The following MTF2 variants were observed in gnomAD, a reference collection of about 807,000 sequenced individuals.
MTF2 encodes the protein metal-response element-binding transcription factor 2.
A neutral mutation model predicts 79.5 loss-of-function variants in MTF2; 11 were observed. The observed-to-expected ratio is 0.14, with a 90% confidence interval of 0.09 to 0.23. The LOEUF is 0.23. Among genes scored for constraint, MTF2 ranks in the 10% least tolerant of loss-of-function variants. The pLI is 1.00. For synonymous variants in MTF2, 208 were observed against 232.8 expected, an observed-to-expected ratio of 0.89 and a Z score of 0.97; for missense variants, 486 against 711.2, an observed-to-expected ratio of 0.68 and a Z score of 3.60.
At chr1:93,091,990 C>T (rs570343361) in intron 1 of MTF2, among the ~76,000 whole-genome samples, 12 of 152,244 alleles carry the variant, frequency 7.9e-5, no homozygotes, top group African/African-American at 2.9e-4. Context: ...ACTGGGATGT[C>T]GTCTTCTACT....
intron 10 of MTF2, among the ~76,000 whole-genome samples, chr1:93,128,580 AAG>A (rs1656795933): frequency 4.0e-5 from 6 of 150,418 alleles, no homozygotes; most frequent in Non-Finnish European, 5.9e-5. Context: ...AAAAATTAAA[AAG>A]AGAGGGAGAA....
intron 1 of MTF2, among the ~76,000 whole-genome samples, chr1:93,098,803 A>T (rs1334291963): frequency 1.3e-5 from 2 of 152,176 alleles, no homozygotes; most frequent in Non-Finnish European, 2.9e-5. Flanking sequence ...TATTTATGAT[A>T]CTTAATACCT....
At chr1:93,108,045 A>AT (rs1486675696) in intron 1 of MTF2, among the ~76,000 whole-genome samples, 34 of 152,200 alleles carry the variant, frequency 2.2e-4, no homozygotes, top group Non-Finnish European at 4.9e-4. Context: ...AAGTGCTGGG[A>AT]TTACAGGCGT....
rs202171854 is a variant in MTF2, at chr1:93,088,995, C to CT, written c.5+9465dup. 7.8e-3 allele frequency among the ~76,000 whole-genome samples: 1,184 copies of CT among 152,198 alleles called. 21 individuals carry two copies. The highest frequency in any genetic ancestry group is 0.027 in the African/African-American group (1,130 of 41,532). ...AAACATACAAAGATGTTCTATAAAA[C>CT]TGACTTTTTATCGTACATTTTAAGA... On this transcript the variant is annotated intron_variant, in intron 1 of 14. Coordinates refer to ENST00000370298, the MANE Select transcript of MTF2 (RefSeq NM_007358.4).
chr1:93,113,140 G>C (rs1656098279), intron 3 of MTF2, among the ~76,000 whole-genome samples: 1 of 151,846 alleles, frequency 6.6e-6, no homozygotes, highest in African/African-American at 2.4e-5. Context: ...AGTGCTTTGG[G>C]AGGCCCAGGC....
chr1:93,132,557 T>C (rs17131699), intron 11 of MTF2, among the ~76,000 whole-genome samples: 26,007 of 152,090 alleles, frequency 0.17, 2,525 homozygotes, highest in African/African-American at 0.24. Flanking sequence ...TTTATAAATA[T>C]TATGTTGATC....
rs772338180 is a variant in MTF2, at chr1:93,110,478, A to T, written c.204+50A>T. 3.1e-6 allele frequency: 5 copies of T among 1,605,390 alleles called. No homozygotes were observed. The South Asian group carries it at 5.5e-5, about 18-fold the overall frequency. ...GCTGTTTTTGCAGTAAGCATTTAAT[A>T]ATCTTAAATTTAACTTCATGTTTTT... On this transcript the variant is annotated intron_variant, in intron 2 of 14. Transcript: ENST00000370298.
At chr1:93,134,290 G>A in intron 14 of MTF2, 95 bp downstream of exon 14, 1 of 888,592 alleles carries the variant, frequency 1.1e-6, no homozygotes, top group Non-Finnish European at 1.7e-6. Context: ...GCAATTGAAA[G>A]TGATGTAAGT....
chr1:93,136,564 C>A, intron 14 of MTF2, 106 bp from the exon 15 acceptor site: 1 of 913,992 alleles, frequency 1.1e-6, no homozygotes, highest in South Asian at 1.7e-5. Flanking sequence ...TTTATATCAT[C>A]AAGGATATAT....
chr1:93,118,113 C>T (rs1219703517), intron 6 of MTF2, among the ~76,000 whole-genome samples: 1 of 152,044 alleles, frequency 6.6e-6, no homozygotes, highest in Admixed American at 6.5e-5. Flanking sequence ...AGTAGTGTAT[C>T]TTTCAAGAGC....
At chr1:93,129,558 A>ATTTTTTTTT (rs200494793) in intron 11 of MTF2, 110 bp downstream of exon 11, 9 of 448,066 alleles carry the variant, frequency 2.0e-5, no homozygotes, top group Non-Finnish European at 2.4e-5. Context: ...AGTTACTCTG[A>ATTTTTTTTT]TTTTTTTTTT....
chr1:93,108,248 A>T (rs1467074080), intron 1 of MTF2, among the ~76,000 whole-genome samples: 1 of 151,718 alleles, frequency 6.6e-6, no homozygotes, highest in African/African-American at 2.4e-5. Flanking sequence ...GTCTTTTATA[A>T]TTACTTTTGT....
chr1:93,096,071 C>G (rs1655276642), intron 1 of MTF2, among the ~76,000 whole-genome samples: 1 of 152,178 alleles, frequency 6.6e-6, no homozygotes, highest in South Asian at 2.1e-4. Flanking sequence ...CCTCATTGTT[C>G]TTTCAGCTGA....
At chr1:93,098,573 G>T (rs1655395119) in intron 1 of MTF2, among the ~76,000 whole-genome samples, 1 of 152,134 alleles carries the variant, frequency 6.6e-6, no homozygotes, top group Non-Finnish European at 1.5e-5. Flanking sequence ...ATTATAAAAT[G>T]ATTGGGGTAT....
At chr1:93,092,194 T>C (rs1016601038) in intron 1 of MTF2, among the ~76,000 whole-genome samples, 2 of 152,172 alleles carry the variant, frequency 1.3e-5, no homozygotes, top group Non-Finnish European at 2.9e-5. Flanking sequence ...TTTTCTCATA[T>C]CTCTGAGGAT....
intron 14 of MTF2, among the ~76,000 whole-genome samples, chr1:93,134,785 A>G (rs1647314630): frequency 6.6e-6 from 1 of 151,384 alleles, no homozygotes; most frequent in Admixed American, 6.6e-5. Flanking sequence ...TGGCCTTCTC[A>G]AGTGCTGGGA....
At chr1:93,133,407 T>G (rs1647220456) in intron 11 of MTF2, among the ~76,000 whole-genome samples, 1 of 152,062 alleles carries the variant, frequency 6.6e-6, no homozygotes, top group South Asian at 2.1e-4. Context: ...AATTGTCTGG[T>G]TTTTGTTGTT....
chr1:93,097,757 T>C (rs1312671625), intron 1 of MTF2, among the ~76,000 whole-genome samples: 1 of 151,816 alleles, frequency 6.6e-6, no homozygotes, highest in Non-Finnish European at 1.5e-5. Flanking sequence ...GCCACCATGC[T>C]CAGTTATTTT....
chr1:93,082,519 G>A (rs542424466), intron 1 of MTF2, among the ~76,000 whole-genome samples: 6 of 152,036 alleles, frequency 3.9e-5, no homozygotes, highest in Non-Finnish European at 8.8e-5. Context: ...TGAACTTTTG[G>A]CCTCAAGCAG....
Sources: allele counts gnomAD v4.1 joint callset (sites outside exome capture counted in the v4.1 genomes callset), GRCh38; gene constraint gnomAD v4.1.1; transcripts MANE v1.5; gene names NCBI Gene and HGNC (gene_info 2026-07-23, HGNC 2026-07-21).